PSD4: variants seen among roughly 807,000 people sequenced by gnomAD.
The protein encoded by PSD4 is PH and SEC7 domain-containing protein 4.
Under a neutral mutation model 112.5 loss-of-function variants are expected in PSD4, and 59 were observed. The ratio of observed to expected loss-of-function variants is 0.52; its 90% CI spans 0.43 to 0.65. The LOEUF (loss-of-function observed/expected upper bound fraction) is 0.65. Ranked by LOEUF, PSD4 falls within the 30% of genes least tolerant of loss-of-function variation. The probability of loss-of-function intolerance (pLI) is 0.00; values close to 1 mark genes in which losing one functional copy is unlikely to be tolerated. For synonymous variants in PSD4, 533 were observed against 540.0 expected (o/e 0.99, Z 0.18); for missense variants, 1,267 against 1,352.6 (o/e 0.94, Z 0.99).
chr2:113,199,257 G>T, intron 16 of PSD4, 31 bp downstream of exon 16: 1 of 1,431,034 alleles, frequency 7.0e-7, no homozygotes, highest in Non-Finnish European at 9.1e-7. Flanking sequence ...CCCCGCCGCT[G>T]CGCAGCGCCC....
rs902770594 is a variant in PSD4 at position 113,207,167 on chromosome 2, C to G, written c.*5752C>G. The G allele has an allele frequency of 1.2e-4, 18 of 152,158 alleles. No homozygotes were observed. The highest frequency in any genetic ancestry group is 4.3e-4 in the African/African-American group (18 of 41,436). The allele number at this position is 152,158 out of a possible 1,614,324, so 9.4% of individuals were successfully genotyped here. A position where few individuals can be genotyped will look rare whatever the true frequency, so the allele number is the denominator to read the frequency against. ...TCCAGGAATAGTCTCCTGTAGCAGC[C>G]TGCCTTGGGCCGTGTGCCCATATCT... is the stretch of plus-strand genomic sequence containing the variant. On this transcript the variant is annotated 3_prime_UTR_variant, in exon 17 of 17. Coordinates refer to ENST00000245796, the MANE Select transcript of PSD4 (RefSeq NM_012455.3).
In PSD4 at chr2:113,201,321, A is replaced by T. The variant is rs1688772728; in HGVS notation, c.3077A>T (p.Asp1026Val). Residue 1026 changes from aspartate to valine, a missense_variant, in exon 17 of 17, where the codon GAT becomes GTT. Transcript: ENST00000245796. ...KSHSSPSLHQDEAPTTAKVKR... is the reference protein window; with the variant it reads ...KSHSSPSLHQVEAPTTAKVKR... ...CACTCGAGCCCGTCCCTGCACCAGGATGAGGCTCCCACCACGGCCAAGGTG... is the reference window on the plus strand; with the variant it reads ...CACTCGAGCCCGTCCCTGCACCAGGTTGAGGCTCCCACCACGGCCAAGGTG... The T allele has an allele frequency of 6.2e-7, 1 of 1,614,058 alleles. No individual in the cohort carries two copies. Among genetic ancestry groups the T allele is most frequent in the Admixed American group, 1.7e-5 (1 of 59,998 alleles).
In PSD4 at chr2:113,206,749, C is replaced by T. The variant is rs1203330885; in HGVS notation, c.*5334C>T. 6.6e-6 allele frequency: 1 copy of T among 152,294 alleles called. No homozygotes were observed. The highest frequency in any genetic ancestry group is 2.4e-5 in the African/African-American group (1 of 41,468). 9.4% of individuals were successfully genotyped at this position (152,294 alleles called of 1,614,324 possible). On this transcript the variant is annotated 3_prime_UTR_variant, in exon 17 of 17. Coordinates refer to ENST00000245796, the MANE Select transcript of PSD4 (RefSeq NM_012455.3). ...TTAATTCATAGCCTCACCAGACTTA[C>T]CCCACGTCTGCTCCCCTCCTCCTTT...
chr2:113,197,418 T>G, intron 12 of PSD4, 146 bp from the exon 13 acceptor site: 1 of 806,046 alleles, frequency 1.2e-6, no homozygotes, highest in South Asian at 1.5e-5. Context: ...TTTTCTTGTG[T>G]TGGCATGTTC....
Position 113,193,664 on chromosome 2 carries a change from G to A in PSD4, c.2091+14G>A, listed in dbSNP as rs1485522570. ...CTGCATGGACAGGTAAGACGGTGGA[G>A]AGAGTCCCTGTGGGAACTGAGGCTG... On this transcript the variant is annotated intron_variant, in intron 9 of 16. Coordinates refer to ENST00000245796, the MANE Select transcript of PSD4 (RefSeq NM_012455.3). 1.2e-6 allele frequency: 2 copies of A among 1,610,868 alleles called. No homozygotes were observed. Among genetic ancestry groups the A allele is most frequent in the East Asian group, 2.2e-5 (1 of 44,882 alleles).
At chr2:113,184,664 C>T (rs1004256136) in intron 2 of PSD4, among the ~76,000 whole-genome samples, 3 of 152,168 alleles carry the variant, frequency 2.0e-5, no homozygotes, top group African/African-American at 4.8e-5. Flanking sequence ...CCACTGCGCC[C>T]GCCATGGACT....
At position 113,177,936 on chromosome 2, in the gene PSD4, G is replaced by C. The variant is rs372246896; in HGVS notation, c.-112+3882G>C. 1.8e-4 allele frequency among the ~76,000 whole-genome samples: 27 copies of C among 152,278 alleles called. No homozygotes were observed. The East Asian group carries it at 2.3e-3, about 13-fold the overall frequency. ...TTAATTGGTTTAAAAAGTCATAGCC[G>C]GCCAGGTGCTGTGGCTCATGCCTAT... On this transcript the variant is annotated intron_variant, in intron 1 of 16. Coordinates refer to ENST00000245796, the MANE Select transcript of PSD4 (RefSeq NM_012455.3).
chr2:113,205,475 C>CA lies in PSD4; in HGVS notation c.*4066dup, dbSNP rs1688849752. The CA allele has an allele frequency of 6.6e-6, 1 of 151,958 alleles. No homozygotes were observed. The highest frequency in any genetic ancestry group is 6.6e-5 in the Admixed American group (1 of 15,254). The allele number at this position is 151,958 out of a possible 1,614,324, so 9.4% of individuals were successfully genotyped here. On this transcript the variant is annotated 3_prime_UTR_variant, in exon 17 of 17. Coordinates refer to ENST00000245796, the MANE Select transcript of PSD4 (RefSeq NM_012455.3). Reference sequence around the variant, plus strand: ...TGAAACCCAGTCTTTACTAAAAATACAAAAAATAGCCGGGCATGGTGGCAC... The same window carrying CA: ...TGAAACCCAGTCTTTACTAAAAATACAAAAAAATAGCCGGGCATGGTGGCAC...
In PSD4 at chr2:113,182,645, TCCTC is replaced by T; in HGVS notation, c.193_196del (p.Pro65GlyfsTer71). 1.2e-6 allele frequency: 2 copies of T among 1,613,564 alleles called. No individual in the cohort carries two copies. Among genetic ancestry groups the T allele is most frequent in the Non-Finnish European group, 1.7e-6 (2 of 1,179,832 alleles). ...CTCCTGAACCTACCAGACAAAATGT[TCCTC>T]CCTGGGGCTCCGGTGTGGAGCTCAC... On this transcript the variant is annotated frameshift_variant, in exon 2 of 17. Coordinates refer to ENST00000245796, the MANE Select transcript of PSD4 (RefSeq NM_012455.3). LOFTEE classifies it high-confidence loss of function.
chr2:113,195,414 G>A (rs986771297), intron 10 of PSD4, among the ~76,000 whole-genome samples: 7 of 152,026 alleles, frequency 4.6e-5, no homozygotes, highest in African/African-American at 1.2e-4. Context: ...CACCCGCCTC[G>A]GCCTCCCAAA....
rs1356008372 is a variant in PSD4, at chr2:113,197,907, A to G, written c.2618A>G (p.Gln873Arg). The G allele has an allele frequency of 1.9e-6, 3 of 1,578,960 alleles. No individual in the cohort carries two copies. Among genetic ancestry groups the G allele is most frequent in the East Asian group, 4.5e-5 (2 of 44,228 alleles). Residue 873 changes from glutamine to arginine, a missense_variant, in exon 14 of 17, where the codon CAG becomes CGG. Physicochemically the swap from Gln to Arg is conservative, Grantham distance 43 (BLOSUM62 1). Around this residue, in one of 2 missense-constraint regions of PSD4, gnomAD observed 544 missense variants for 648.6 expected, o/e 0.84. Coordinates refer to ENST00000245796, the MANE Select transcript of PSD4 (RefSeq NM_012455.3). Reference protein sequence around the residue: ...RTADWRLYLFQAPTAKEMSSW... With the variant: ...RTADWRLYLFRAPTAKEMSSW... ...GCTGACTGGCGCCTCTACCTCTTCC[A>G]GGCACCGTAAGTCCCTGGGGTGGGA...
At chr2:113,199,374 G>GAA in intron 16 of PSD4, 148 bp downstream of exon 16, 1 of 1,038,636 alleles carries the variant, frequency 9.6e-7, no homozygotes, top group Non-Finnish European at 1.3e-6. Flanking sequence ...TGCGCCGTCT[G>GAA]CAAAGGGGCG....
Position 113,201,637 on chromosome 2 carries a change from GC to G in PSD4, c.*226del. The G allele has an allele frequency of 1.6e-6, 1 of 640,620 alleles. No individual in the cohort carries two copies. The highest frequency in any genetic ancestry group is 2.6e-6 in the Non-Finnish European group (1 of 382,846). 39.7% of individuals were successfully genotyped at this position (640,620 alleles called of 1,614,324 possible). On this transcript the variant is annotated 3_prime_UTR_variant, in exon 17 of 17. Coordinates refer to ENST00000245796, the MANE Select transcript of PSD4 (RefSeq NM_012455.3). ...CCACCCCCATGGCAGTCCCTCCGCA[GC>G]CCCAGTCCCTGGCCACGCCCAAGGG...
intron 16 of PSD4, among the ~76,000 whole-genome samples, chr2:113,200,135 T>TC: frequency 6.6e-6 from 1 of 151,474 alleles, no homozygotes; most frequent in East Asian, 2.0e-4. Flanking sequence ...AGTAATGACT[T>TC]TGTTGACTCT....
chr2:113,182,679 C>T lies in PSD4; in HGVS notation c.223C>T (p.Leu75=). 2 of 1,612,392 alleles carry T rather than the reference C, an allele frequency of 1.2e-6. No homozygotes were observed. Among genetic ancestry groups the T allele is most frequent in the South Asian group, 2.2e-5 (2 of 91,002 alleles). ...PWGSGVELTH[L]GSWVHQDGLE... ...GGGCTCCGGTGTGGAGCTCACACACCTGGGGAGCTGGGTCCATCAGGACGG... is the reference window on the plus strand; with the variant it reads ...GGGCTCCGGTGTGGAGCTCACACACTTGGGGAGCTGGGTCCATCAGGACGG... The change falls in exon 2 of 17, where the codon CTG becomes TTG. Residue 75 remains leucine, a synonymous_variant. Coordinates refer to ENST00000245796, the MANE Select transcript of PSD4 (RefSeq NM_012455.3).
intron 2 of PSD4, among the ~76,000 whole-genome samples, chr2:113,184,189 AAT>A (rs1688226880): frequency 1.3e-5 from 2 of 152,132 alleles, no homozygotes; most frequent in South Asian, 4.1e-4. Context: ...GTAATTTTCT[AAT>A]ATCTCAATTC....
At position 113,180,229 on chromosome 2, in the gene PSD4, C is replaced by T. The variant is rs969444378; in HGVS notation, c.-111-2117C>T. On this transcript the variant is annotated intron_variant, in intron 1 of 16. Transcript: ENST00000245796. Reference sequence around the variant, plus strand: ...TGGGCCAAGCCTGGGCTGAAGGCCGCGCGAATCACCTCCGTTAACCCTAGC... The same window carrying T: ...TGGGCCAAGCCTGGGCTGAAGGCCGTGCGAATCACCTCCGTTAACCCTAGC... Among the ~76,000 whole-genome samples, 15 of 152,262 alleles carry T rather than the reference C, an allele frequency of 9.9e-5. No individual in the cohort carries two copies. The East Asian group carries it at 2.1e-3, about 22-fold the overall frequency.
intron 5 of PSD4, among the ~76,000 whole-genome samples, chr2:113,188,437 C>T (rs947541371): frequency 2.0e-5 from 3 of 151,722 alleles, no homozygotes; most frequent in African/African-American, 7.3e-5. Context: ...AGAGAGGGGG[C>T]TTCACCATGT....
intron 12 of PSD4, among the ~76,000 whole-genome samples, chr2:113,196,914 A>G (rs1390753924): frequency 2.6e-5 from 4 of 152,256 alleles, no homozygotes; most frequent in Non-Finnish European, 5.9e-5. Flanking sequence ...TATGGCACCA[A>G]CATGTCCAGA....
Sources: gnomAD v4.1 joint callset for allele counts (sites outside exome capture counted in the v4.1 genomes callset) on GRCh38, gnomAD v4.1.1 for gene constraint, gnomAD v4.1.1 regional missense constraint, MANE v1.5 for transcripts, NCBI Gene and HGNC (gene_info 2026-07-23, HGNC 2026-07-21) for gene names.